Variants in CORO1C observed in about 807,000 individuals in gnomAD.
The protein encoded by CORO1C is coronin 1C.
In CORO1C, 14 loss-of-function variants were observed where a neutral mutation model predicts 51.2. That is an observed-to-expected ratio of 0.27 (90% CI 0.18 to 0.43). The LOEUF (loss-of-function observed/expected upper bound fraction) is 0.43. Ranked by LOEUF, CORO1C falls within the 20% of genes least tolerant of loss-of-function variation. The pLI is 1.00. For synonymous variants in CORO1C, 181 were observed against 210.5 expected (o/e 0.86, Z 1.21); for missense variants, 417 against 607.8 (o/e 0.69, Z 3.30).
Position 108,658,756 on chromosome 12 carries a change from C to T in CORO1C, c.612G>A (p.Arg204=), listed in dbSNP as rs756569073. Residue 204 remains arginine (R), a synonymous_variant, in exon 5 of 11, where the codon AGG becomes AGA. Coordinates refer to ENST00000261401, the MANE Select transcript of CORO1C (RefSeq NM_014325.4). The surrounding 1 kb of genome is among the most constrained non-coding windows in gnomAD (Gnocchi z 4.9). Reference sequence around the variant, plus strand: ...TACTCACAGCAACAATCTCTTGTTTCCTGGGATCAATGACTCTCACTTTCT... The same window carrying T: ...TACTCACAGCAACAATCTCTTGTTTTCTGGGATCAATGACTCTCACTTTCT... The part of the protein sequence containing the change: ...KDKKVRVIDP[R]KQEIVAEKEK... The T allele has an allele frequency of 2.5e-6, 4 of 1,610,202 alleles. No individual in the cohort carries two copies. In the Admixed American group the frequency reaches 5.0e-5, roughly 20 times the overall value.
Position 108,699,464 on chromosome 12 carries a change from C to T in CORO1C, c.195+1660G>A, listed in dbSNP as rs2034796218. The stretch of plus-strand genomic sequence containing the variant: ...GGAAAAAAAAAGTCTTACATTTATC[C>T]CTCAGTCTATAAAAGGGGAAATAAA... On this transcript the variant is annotated intron_variant, in intron 2 of 10. Transcript: ENST00000261401. Among the ~76,000 whole-genome samples the T allele has an allele frequency of 2.0e-5, 3 of 152,116 alleles. No homozygotes were observed. The South Asian group carries it at 6.2e-4, about 32-fold the overall frequency.
In CORO1C at chr12:108,701,394, T is replaced by G. The variant is rs1176819630; in HGVS notation, c.-5-71A>C. ...GAAAGCTTTACTTTTACAAATGAAA[T>G]GCTCCAAGTAGGAAAAACAGAATGG... On this transcript the variant is annotated intron_variant, in intron 1 of 10. Coordinates refer to ENST00000261401, the MANE Select transcript of CORO1C (RefSeq NM_014325.4). 3 of 1,602,430 alleles carry G rather than the reference T, an allele frequency of 1.9e-6. No homozygotes were observed. In the East Asian group the frequency reaches 6.7e-5, roughly 36 times the overall value.
At chr12:108,721,978 T>C (rs975715980) in intron 1 of CORO1C, among the ~76,000 whole-genome samples, 1 of 150,546 alleles carries the variant, frequency 6.6e-6, no homozygotes, top group African/African-American at 2.4e-5. Context: ...TGTTTTGGAG[T>C]GACAGGAAGA....
At chr12:108,652,516 C>A (rs953341720) in intron 7 of CORO1C, 99 bp from the exon 8 acceptor site, 30 of 908,884 alleles carry the variant, frequency 3.3e-5, no homozygotes, top group Non-Finnish European at 4.9e-5. Context: ...GTAGTTGGGA[C>A]CCCGCTTCAG....
At chr12:108,696,544 A>G (rs1288880042) in intron 2 of CORO1C, 1 of 152,208 alleles carries the variant, frequency 6.6e-6, no homozygotes, top group Non-Finnish European at 1.5e-5. Flanking sequence ...CACAAAGGAA[A>G]GGCTTATTCA....
chr12:108,690,430 C>G (rs1257621097), intron 2 of CORO1C, among the ~76,000 whole-genome samples: 6 of 152,124 alleles, frequency 3.9e-5, no homozygotes, highest in African/African-American at 1.4e-4. Context: ...TCTTTTTGGA[C>G]AGAAGTGAAA....
intron 10 of CORO1C, among the ~76,000 whole-genome samples, chr12:108,647,761 C>T (rs1346842299): frequency 6.6e-6 from 1 of 152,214 alleles, no homozygotes; most frequent in Non-Finnish European, 1.5e-5. Flanking sequence ...CACAGTGCCA[C>T]TTCTGATCCC....
intron 2 of CORO1C, among the ~76,000 whole-genome samples, chr12:108,699,946 T>C (rs1158696817): frequency 6.6e-6 from 1 of 152,164 alleles, no homozygotes. Context: ...TCAGATGTTA[T>C]AATAAAACAA....
intron 3 of CORO1C, 111 bp from the exon 4 acceptor site, chr12:108,662,269 T>G: frequency 1.1e-6 from 1 of 881,918 alleles, no homozygotes; most frequent in Non-Finnish European, 1.8e-6. Flanking sequence ...GAACATAGAG[T>G]GATATCTGGA....
At chr12:108,698,272 G>A (rs2034754248) in intron 2 of CORO1C, among the ~76,000 whole-genome samples, 1 of 152,192 alleles carries the variant, frequency 6.6e-6, no homozygotes, top group Non-Finnish European at 1.5e-5. Context: ...GAATTAGGGG[G>A]ACAAAAATGG....
Position 108,658,491 on chromosome 12 carries a change from T to A in CORO1C, c.630+247A>T, listed in dbSNP as rs369260722. ...ACTCTTAAGGACTCTAGTGAACTGA[T>A]ACAAACTATTTCTTTGTGAAAAAAG... On this transcript the variant is annotated intron_variant, in intron 5 of 10. Transcript: ENST00000261401. This position sits in a 1 kb window ranked among gnomAD's most constrained non-coding sequence, Gnocchi z 4.9. 1.3e-5 allele frequency among the ~76,000 whole-genome samples: 2 copies of A among 152,236 alleles called. No individual in the cohort carries two copies. Among genetic ancestry groups the A allele is most frequent in the Admixed American group, 6.5e-5 (1 of 15,282 alleles).
At chr12:108,649,269 A>T in intron 8 of CORO1C, 1 of 540,864 alleles carries the variant, frequency 1.8e-6, no homozygotes, top group South Asian at 2.2e-5. Context: ...AGGTCTACGT[A>T]TGATGATGAC....
intron 2 of CORO1C, among the ~76,000 whole-genome samples, chr12:108,694,177 G>A (rs955608126): frequency 4.6e-5 from 7 of 150,814 alleles, no homozygotes; most frequent in African/African-American, 9.7e-5. Flanking sequence ...AGCTACTCAC[G>A]AGGCTGAGGC....
At chr12:108,697,493 T>G (rs1051567710) in intron 2 of CORO1C, among the ~76,000 whole-genome samples, 2 of 152,230 alleles carry the variant, frequency 1.3e-5, no homozygotes, top group African/African-American at 2.4e-5. Flanking sequence ...AACTTCATAT[T>G]ATAATTGGGA....
Position 108,708,590 on chromosome 12 carries a change from T to C in CORO1C, c.-5-7267A>G, listed in dbSNP as rs555864697. 4.4e-4 allele frequency among the ~76,000 whole-genome samples: 67 copies of C among 152,002 alleles called. 1 individual carries two copies. The highest frequency in any genetic ancestry group is 1.6e-3 in the African/African-American group (66 of 41,470). On this transcript the variant is annotated intron_variant, in intron 1 of 10. Transcript: ENST00000261401. ...AATTCTCCTGCCTCAGCCTCCCAAG[T>C]AGCTGGGATTACAGGCGCCTGCCAC...
intron 1 of CORO1C, among the ~76,000 whole-genome samples, chr12:108,719,941 T>C (rs1355500602): frequency 6.6e-6 from 1 of 152,054 alleles, no homozygotes; most frequent in Non-Finnish European, 1.5e-5. Context: ...TCCCAGCACT[T>C]TGGGAGGCTG....
At chr12:108,679,109 C>CAAAAAAAAAAAAAAAAAA (rs1183326267) in intron 2 of CORO1C, among the ~76,000 whole-genome samples, 1 of 22,152 alleles carries the variant, frequency 4.5e-5, no homozygotes, top group Non-Finnish European at 9.7e-5. Context: ...GACTCTGTCT[C>CAAAAAAAAAAAAAAAAAA]AAAAAAAAAA....
intron 8 of CORO1C, 136 bp from the exon 9 acceptor site, chr12:108,649,156 G>A (rs924900459): frequency 7.9e-5 from 73 of 927,790 alleles, no homozygotes; most frequent in East Asian, 5.9e-4. Flanking sequence ...GATCCACCCC[G>A]GGAATAGGCA....
intron 2 of CORO1C, among the ~76,000 whole-genome samples, chr12:108,683,148 A>G (rs1292617116): frequency 1.3e-5 from 2 of 152,200 alleles, no homozygotes; most frequent in African/African-American, 4.8e-5. Flanking sequence ...TGCCAGGTAC[A>G]GTGGCTCATG....
Sources: allele counts gnomAD v4.1 joint callset (sites outside exome capture counted in the v4.1 genomes callset), GRCh38; gene constraint gnomAD v4.1.1; non-coding constraint Gnocchi (gnomAD v3.1); transcripts MANE v1.5; gene names NCBI Gene and HGNC (gene_info 2026-07-23, HGNC 2026-07-21).